Variants in APBB1 observed in about 807,000 individuals in gnomAD.
The protein encoded by APBB1 is adaptor protein FE65a2.
APBB1 carries 22 observed loss-of-function variants against 78.4 expected under a neutral mutation model. That is an observed-to-expected ratio of 0.28 (90% confidence interval 0.20 to 0.40). The LOEUF is 0.40. Ranked by LOEUF, APBB1 falls within the 10% of genes least tolerant of loss-of-function variation. APBB1 has a pLI of 1.00. For missense variants in APBB1, 749 were observed against 932.4 expected, an observed-to-expected ratio of 0.80 and a Z score of 2.56; for synonymous variants, 369 against 372.7, an observed-to-expected ratio of 0.99 and a Z score of 0.12.
At chr11:6,413,274 C>T (rs1253808352) in intron 1 of APBB1, among the ~76,000 whole-genome samples, 1 of 152,192 alleles carries the variant, frequency 6.6e-6, no homozygotes, top group Non-Finnish European at 1.5e-5. Flanking sequence ...CGACCCTTCC[C>T]CCAACAGACA....
intron 2 of APBB1, chr11:6,404,481 G>T: frequency 8.6e-7 from 1 of 1,157,892 alleles, no homozygotes; most frequent in Non-Finnish European, 1.2e-6. Context: ...CACACAGGCG[G>T]ACCCACACTC....
chr11:6,402,278 G>C, intron 7 of APBB1, 69 bp from the exon 8 acceptor site: 1 of 1,582,706 alleles, frequency 6.3e-7, no homozygotes. Context: ...GACCCCTGCA[G>C]CTCAGGGGAT....
Position 6,395,558 on chromosome 11 carries a change from T to C in APBB1, c.2109A>G (p.Lys703=). ...VQSLWGSLKP[K]RLGAHTP The stretch of plus-strand genomic sequence containing the variant: ...TTCATGGGGTATGGGCCCCCAGCCG[T>C]TTGGGCTTCAGGGAGCCCCACAGCG... The change falls in exon 15 of 15, where the codon AAA becomes AAG. Residue 703 remains lysine, a synonymous_variant. Transcript: ENST00000609360. The surrounding 1 kb of genome is among the most constrained non-coding windows in gnomAD (Gnocchi z 5.2). The C allele has an allele frequency of 1.9e-6, 3 of 1,572,966 alleles. No homozygotes were observed. The highest frequency in any genetic ancestry group is 2.6e-6 in the Non-Finnish European group (3 of 1,159,042).
In APBB1 at chr11:6,401,830, T is replaced by G; in HGVS notation, c.1389-142A>C. 3.5e-6 allele frequency: 5 copies of G among 1,411,524 alleles called. No individual in the cohort carries two copies. Among genetic ancestry groups the G allele is most frequent in the Non-Finnish European group, 4.9e-6 (5 of 1,017,252 alleles). The allele number at this position is 1,411,524 out of a possible 1,614,324, so 87.4% of individuals were successfully genotyped here. On this transcript the variant is annotated intron_variant, in intron 9 of 14. Coordinates refer to ENST00000609360, the MANE Select transcript of APBB1 (RefSeq NM_001164.5). This position sits in a 1 kb window ranked among gnomAD's most constrained non-coding sequence, Gnocchi z 4.5. ...TGGTCCCCCATAGGTGCTGCCTTCT[T>G]GGGGGGGAGGGGTAGACAGGCAAGC... is the stretch of plus-strand genomic sequence containing the variant.
chr11:6,396,078 G>A (rs754905667), intron 13 of APBB1, 22 bp downstream of exon 13: 6 of 1,586,468 alleles, frequency 3.8e-6, no homozygotes, highest in South Asian at 2.3e-5. Context: ...GCGCAGCCAC[G>A]ACTTCTACCC....
At chr11:6,405,784 A>G (rs1440937188) in intron 2 of APBB1, 5 of 661,036 alleles carry the variant, frequency 7.6e-6, no homozygotes, top group South Asian at 6.8e-5. Flanking sequence ...AAGGTTTTCA[A>G]TAGGCACCTG....
chr11:6,414,854 T>C (rs1849080695), intron 1 of APBB1, among the ~76,000 whole-genome samples: 1 of 152,088 alleles, frequency 6.6e-6, no homozygotes, highest in South Asian at 2.1e-4. Context: ...GAAGCAGTAG[T>C]GTACAGAGCC....
At position 6,403,945 on chromosome 11, in the gene APBB1, C is replaced by T; in HGVS notation, c.722-123G>A. The T allele has an allele frequency of 9.4e-7, 1 of 1,067,334 alleles. No individual in the cohort carries two copies. The highest frequency in any genetic ancestry group is 1.9e-5 in the South Asian group (1 of 52,878). 66.1% of individuals were successfully genotyped at this position (1,067,334 alleles called of 1,614,324 possible). On this transcript the variant is annotated intron_variant, in intron 2 of 14. Transcript: ENST00000609360. The surrounding 1 kb of genome is among the most constrained non-coding windows in gnomAD (Gnocchi z 5.3). ...GTGGTGGAAGAGCTATACCACAACACAGTTCCTGCTTCTGCCTAGAGCCTA... is the reference window on the plus strand; with the variant it reads ...GTGGTGGAAGAGCTATACCACAACATAGTTCCTGCTTCTGCCTAGAGCCTA...
rs1167564921 is a variant in APBB1, at chr11:6,403,630, A to C, written c.897+17T>G. 6.2e-7 allele frequency: 1 copy of C among 1,611,538 alleles called. No homozygotes were observed. The highest frequency in any genetic ancestry group is 8.5e-7 in the Non-Finnish European group (1 of 1,178,286). ...CCTCCACCCCTGGCCCAAAATCAAC[A>C]GGCCTGTGAGCCTCACCTGGGACTC... On this transcript the variant is annotated intron_variant, in intron 3 of 14. Transcript: ENST00000609360. The surrounding 1 kb of genome is among the most constrained non-coding windows in gnomAD (Gnocchi z 5.3).
In APBB1 at chr11:6,395,746, G is replaced by A. The variant is rs776898063; in HGVS notation, c.1965+40C>T. On this transcript the variant is annotated intron_variant, in intron 14 of 14. Coordinates refer to ENST00000609360, the MANE Select transcript of APBB1 (RefSeq NM_001164.5). This position sits in a 1 kb window ranked among gnomAD's most constrained non-coding sequence, Gnocchi z 5.2. ...AGTCACTCCCCAGCCTACCTCCCAT[G>A]GGGCCACGCCACCACCACACCACCC... The A allele has an allele frequency of 3.1e-6, 5 of 1,604,562 alleles. No homozygotes were observed. The highest frequency in any genetic ancestry group is 4.3e-6 in the Non-Finnish European group (5 of 1,174,648).
intron 2 of APBB1, chr11:6,405,749 C>T: frequency 3.3e-6 from 3 of 897,194 alleles, no homozygotes; most frequent in Non-Finnish European, 2.7e-6. Flanking sequence ...ACCCCCACTT[C>T]CCCCTAACTC....
At chr11:6,418,645 G>GCCAGC (rs1849178978) in intron 1 of APBB1, among the ~76,000 whole-genome samples, 1 of 152,152 alleles carries the variant, frequency 6.6e-6, no homozygotes, top group Non-Finnish European at 1.5e-5. Flanking sequence ...GGCGCGGCCT[G>GCCAGC]CCAGCCCACC....
At chr11:6,405,086 C>T in intron 2 of APBB1, 2 of 1,371,506 alleles carry the variant, frequency 1.5e-6, no homozygotes, top group Non-Finnish European at 1.9e-6. Context: ...CTCGCCCTGG[C>T]TCCCCTCCCC....
chr11:6,401,863 G>A lies in APBB1; in HGVS notation c.1388+114C>T. ...AGGGGTAGACAGGCAAGCATGCTGA[G>A]GTGGAGGGTAATGGTGGAGCATAGC... On this transcript the variant is annotated intron_variant, in intron 9 of 14. Transcript: ENST00000609360. This position sits in a 1 kb window ranked among gnomAD's most constrained non-coding sequence, Gnocchi z 4.5. The A allele has an allele frequency of 6.8e-7, 1 of 1,477,504 alleles. No individual in the cohort carries two copies. Among genetic ancestry groups the A allele is most frequent in the South Asian group, 1.2e-5 (1 of 84,570 alleles). The allele number at this position is 1,477,504 out of a possible 1,614,324, so 91.5% of individuals were successfully genotyped here. A position where few individuals can be genotyped will look rare whatever the true frequency, so the allele number is the denominator to read the frequency against.
chr11:6,400,603 T>G (rs1848452783), intron 12 of APBB1, among the ~76,000 whole-genome samples: 1 of 152,118 alleles, frequency 6.6e-6, no homozygotes, highest in Admixed American at 6.5e-5. Flanking sequence ...GCTCACTGTT[T>G]CCTTCTCCAG....
At chr11:6,416,643 AT>A (rs1849123586) in intron 1 of APBB1, among the ~76,000 whole-genome samples, 2 of 151,946 alleles carry the variant, frequency 1.3e-5, no homozygotes, top group Admixed American at 1.3e-4. Flanking sequence ...TGTTCAATCC[AT>A]CTCTAGGTAC....
In APBB1 at chr11:6,401,342, G is replaced by C; in HGVS notation, c.1588+3C>G. ...CTGGACCTGGAGGGGTTTTGACACT[G>C]ACCTTGGAAAGGGACATCCACAAGT... On this transcript the variant is annotated splice_donor_region_variant and intron_variant, in intron 11 of 14. Transcript: ENST00000609360. The surrounding 1 kb of genome is among the most constrained non-coding windows in gnomAD (Gnocchi z 4.5). 1.2e-6 allele frequency: 2 copies of C among 1,614,144 alleles called. No individual in the cohort carries two copies. The highest frequency in any genetic ancestry group is 1.7e-6 in the Non-Finnish European group (2 of 1,180,038).
Position 6,403,196 on chromosome 11 carries a change from C to A in APBB1, c.1053G>T (p.Leu351Phe), listed in dbSNP as rs764190772. 6.8e-6 allele frequency: 11 copies of A among 1,613,346 alleles called. No homozygotes were observed. Among genetic ancestry groups the A allele is most frequent in the Non-Finnish European group, 8.5e-6 (10 of 1,179,718 alleles). The change falls in exon 6 of 15, where the codon TTG becomes TTT. Residue 351 changes from leucine (L) to phenylalanine (F), a missense_variant. Physicochemically the swap from Leu to Phe is conservative, Grantham distance 22 (BLOSUM62 0). This residue lies in a region of APBB1 where 635 missense variants were observed against 765.0 expected (regional missense o/e 0.83). Transcript: ENST00000609360. This position sits in a 1 kb window ranked among gnomAD's most constrained non-coding sequence, Gnocchi z 5.3. ...FPAQSLSPEP[L>F]PQEEEKLPPR... is the part of the protein sequence containing the mutation. ...GGGGAAGCTTCTCCTCCTCTTGGGGCAACGGCTCTGGGCTGAAGGCAGATG... is the reference window on the plus strand; with the variant it reads ...GGGGAAGCTTCTCCTCCTCTTGGGGAAACGGCTCTGGGCTGAAGGCAGATG...
chr11:6,412,965 A>G (rs940059995), intron 1 of APBB1, among the ~76,000 whole-genome samples: 1 of 151,690 alleles, frequency 6.6e-6, no homozygotes. Context: ...TTTCTCCGCA[A>G]CCATTTGAGT....
Sources: gnomAD v4.1 joint callset for allele counts (sites outside exome capture counted in the v4.1 genomes callset) on GRCh38, gnomAD v4.1.1 for gene constraint, gnomAD v4.1.1 regional missense constraint, Gnocchi (gnomAD v3.1) non-coding constraint, MANE v1.5 for transcripts, NCBI Gene and HGNC (gene_info 2026-07-23, HGNC 2026-07-21) for gene names.